The following CSE1L variants were observed in gnomAD, a reference collection of about 807,000 sequenced individuals.
The protein encoded by CSE1L is exportin-2.
CSE1L carries 24 observed loss-of-function variants against 120.4 expected under a neutral mutation model. The ratio of observed to expected loss-of-function variants is 0.20; its 90% confidence interval spans 0.14 to 0.28. The LOEUF is 0.28. CSE1L is among the 10% of genes least tolerant of loss of function. The pLI, the probability that CSE1L is intolerant of heterozygous loss-of-function variation, is 1.00. For synonymous variants in CSE1L, 402 were observed against 398.3 expected, an observed-to-expected ratio of 1.01 and a Z score of -0.11; for missense variants, 830 against 1,145.2, an observed-to-expected ratio of 0.72 and a Z score of 3.97.
intron 8 of CSE1L, among the ~76,000 whole-genome samples, chr20:49,071,215 C>T (rs988910157): frequency 7.9e-5 from 12 of 152,094 alleles, no homozygotes; most frequent in Admixed American, 7.9e-4. Flanking sequence ...TTGTTACTAT[C>T]GTTGTACAAC....
intron 1 of CSE1L, among the ~76,000 whole-genome samples, chr20:49,055,530 A>C (rs577806656): frequency 6.6e-6 from 1 of 152,246 alleles, no homozygotes; most frequent in East Asian, 1.9e-4. Context: ...CAGCCTGCGC[A>C]ATATGGTGAA....
rs1388042866 is a variant in CSE1L, at chr20:49,065,322, T to A, written c.229-870T>A. ...ATGAAATGAAAAAAAAATTTTTTTTTTTTTTTTTTTTTTTTTTTGAGAGGG... is the reference window on the plus strand; with the variant it reads ...ATGAAATGAAAAAAAAATTTTTTTTATTTTTTTTTTTTTTTTTTGAGAGGG... On this transcript the variant is annotated intron_variant, in intron 3 of 24. Transcript: ENST00000262982. 6.7e-4 allele frequency among the ~76,000 whole-genome samples: 75 copies of A among 112,604 alleles called. 1 individual carries two copies. The highest frequency in any genetic ancestry group is 2.4e-3 in the African/African-American group (73 of 30,984). 73.9% of individuals were successfully genotyped at this position (112,604 alleles called of 152,430 possible).
chr20:49,076,511 C>CCT (rs1568777522), intron 12 of CSE1L, among the ~76,000 whole-genome samples: 13 of 145,002 alleles, frequency 9.0e-5, no homozygotes, highest in Admixed American at 2.1e-4. Context: ...TTGAAGTGTC[C>CCT]CTCTCTCTCT....
rs1333342055 is a variant in CSE1L, at chr20:49,094,747, G to C, written c.2610G>C (p.Gln870His). Residue 870 changes from glutamine (Q) to histidine (H), a missense_variant, in exon 24 of 25, where the codon CAG becomes CAC. Transcript: ENST00000262982. ...EYTKLWTPLL[Q>H]SLIGLFELPE... is the part of the protein sequence containing the mutation. ...TCCAATCCAGGACTCCATTATTACAGTCTTTGATTGGTCTTTTTGAGTTAC... is the reference window on the plus strand; with the variant it reads ...TCCAATCCAGGACTCCATTATTACACTCTTTGATTGGTCTTTTTGAGTTAC... 1 of 1,612,502 alleles carries C rather than the reference G, an allele frequency of 6.2e-7. No individual in the cohort carries two copies. The highest frequency in any genetic ancestry group is 8.5e-7 in the Non-Finnish European group (1 of 1,178,626).
intron 2 of CSE1L, among the ~76,000 whole-genome samples, chr20:49,061,744 C>A (rs183657834): frequency 2.1e-4 from 32 of 151,756 alleles, no homozygotes; most frequent in Non-Finnish European, 2.1e-4. Context: ...ACCTTGTGAT[C>A]CACTCGTCTC....
intron 14 of CSE1L, among the ~76,000 whole-genome samples, chr20:49,082,321 T>G (rs747758267): frequency 6.6e-6 from 1 of 151,924 alleles, no homozygotes; most frequent in Admixed American, 6.6e-5. Flanking sequence ...CCAGCAATTT[T>G]TTGGTAGAGA....
intron 1 of CSE1L, among the ~76,000 whole-genome samples, chr20:49,053,372 T>A (rs2091783375): frequency 6.9e-6 from 1 of 145,368 alleles, no homozygotes; most frequent in South Asian, 2.2e-4. Flanking sequence ...TTTTTTTTTT[T>A]TTTGAGACTG....
chr20:49,091,088 T>C (rs2145754415), intron 21 of CSE1L, 66 bp downstream of exon 21: 3 of 1,079,476 alleles, frequency 2.8e-6, no homozygotes, highest in Non-Finnish European at 4.2e-6. Context: ...CCTTAGACTT[T>C]ATGGTTGCAG....
chr20:49,078,188 C>CGAATA (rs1206147668), intron 13 of CSE1L, among the ~76,000 whole-genome samples: 1 of 152,124 alleles, frequency 6.6e-6, no homozygotes, highest in Non-Finnish European at 1.5e-5. Flanking sequence ...ATTTGGTGAT[C>CGAATA]TATTCCTTTC....
chr20:49,090,349 G>T (rs2092091451), intron 19 of CSE1L, among the ~76,000 whole-genome samples: 1 of 152,158 alleles, frequency 6.6e-6, no homozygotes, highest in Non-Finnish European at 1.5e-5. Flanking sequence ...CCTGAGGTCA[G>T]GAGTTCAAGA....
intron 16 of CSE1L, among the ~76,000 whole-genome samples, chr20:49,085,891 C>G (rs2092052532): frequency 6.6e-6 from 1 of 152,096 alleles, no homozygotes; most frequent in African/African-American, 2.4e-5. Flanking sequence ...TGATATGGAA[C>G]TTCTCATTAC....
In CSE1L at chr20:49,068,753, C is replaced by T. The variant is rs746380485; in HGVS notation, c.606C>T (p.Ala202=). ...IELCSTHAND[A]SALRILFSSL... is the part of the protein sequence containing the mutation. ...TCTGCAGTACCCATGCAAATGATGC[C>T]TCTGCCCTGAGGATTCTGTTTTCTT... Residue 202 remains alanine, a synonymous_variant, in exon 7 of 25, where the codon GCC becomes GCT. Transcript: ENST00000262982. 6 of 1,614,044 alleles carry T rather than the reference C, an allele frequency of 3.7e-6. No individual in the cohort carries two copies. Among genetic ancestry groups the T allele is most frequent in the Admixed American group, 1.7e-5 (1 of 60,018 alleles).
chr20:49,048,756 T>C (rs1281996944), intron 1 of CSE1L, among the ~76,000 whole-genome samples: 1 of 152,194 alleles, frequency 6.6e-6, no homozygotes, highest in Admixed American at 6.5e-5. Context: ...TGATTCTAAG[T>C]GGTATATTCC....
intron 2 of CSE1L, 24 bp from the exon 3 acceptor site, chr20:49,063,178 T>A: frequency 6.6e-7 from 1 of 1,504,408 alleles, no homozygotes; most frequent in South Asian, 1.3e-5. Flanking sequence ...ATCTTAGTCT[T>A]TTAACATGAA....
In CSE1L at chr20:49,072,684, C is replaced by A; in HGVS notation, c.1053C>A (p.Asn351Lys). The part of the protein sequence containing the change: ...TSICEKVIVP[N>K]MEFRAADEEA... ...TCTGTGAAAAGGTTATTGTGCCTAA[C>A]ATGGAATTTAGAGGTAATTATGGCA... The change falls in exon 10 of 25, where the codon AAC becomes AAA. Residue 351 changes from asparagine to lysine, a missense_variant. By Grantham distance (94) the Asn-to-Lys change is moderately conservative. This residue lies in a region of CSE1L where 543 missense variants were observed against 640.2 expected (regional missense o/e 0.85). Coordinates refer to ENST00000262982, the MANE Select transcript of CSE1L (RefSeq NM_001316.4). 6.2e-7 allele frequency: 1 copy of A among 1,608,808 alleles called. No homozygotes were observed. Among genetic ancestry groups the A allele is most frequent in the Non-Finnish European group, 8.5e-7 (1 of 1,178,654 alleles).
intron 14 of CSE1L, among the ~76,000 whole-genome samples, chr20:49,079,529 C>T (rs971950504): frequency 6.6e-6 from 1 of 151,974 alleles, no homozygotes; most frequent in Non-Finnish European, 1.5e-5. Context: ...CACCTGGCCT[C>T]TACCCTTTCT....
chr20:49,049,435 C>T (rs1169041871), intron 1 of CSE1L, among the ~76,000 whole-genome samples: 1 of 152,056 alleles, frequency 6.6e-6, no homozygotes, highest in Admixed American at 6.6e-5. Context: ...CTTACCTTGG[C>T]CCCCCAAAGA....
chr20:49,060,953 G>T lies in CSE1L; in HGVS notation c.86-2249G>T, dbSNP rs534240383. On this transcript the variant is annotated intron_variant, in intron 2 of 24. Coordinates refer to ENST00000262982, the MANE Select transcript of CSE1L (RefSeq NM_001316.4). ...GATGTTGGAAGGGTTCCATGAGGAA[G>T]AGAATGTGTGTTATATATTATGTAT... is the stretch of plus-strand genomic sequence containing the variant. 2.0e-5 allele frequency among the ~76,000 whole-genome samples: 3 copies of T among 152,258 alleles called. No individual in the cohort carries two copies. In the South Asian group the frequency reaches 6.2e-4, roughly 32 times the overall value.
chr20:49,094,335 A>G, intron 23 of CSE1L, 49 bp downstream of exon 23: 1 of 1,546,684 alleles, frequency 6.5e-7, no homozygotes. Context: ...TCCTTCCCAT[A>G]TGACTGCAAA....
Sources: gnomAD v4.1 joint callset for allele counts (sites outside exome capture counted in the v4.1 genomes callset) on GRCh38, gnomAD v4.1.1 for gene constraint, gnomAD v4.1.1 regional missense constraint, MANE v1.5 for transcripts, NCBI Gene and HGNC (gene_info 2026-07-23, HGNC 2026-07-21) for gene names.